Variants in RNLS observed in about 807,000 individuals in gnomAD.
RNLS encodes the protein renalase.
In RNLS, 39 loss-of-function variants were observed where a neutral mutation model predicts 39.8. The observed-to-expected ratio is 0.98, with a 90% confidence interval of 0.76 to 1.28. The LOEUF (loss-of-function observed/expected upper bound fraction) is 1.28. Among genes scored for constraint, RNLS ranks in the 50% most tolerant of loss-of-function variants. The pLI, the probability that RNLS is intolerant of heterozygous loss-of-function variation, is 0.00. For missense variants in RNLS, 410 were observed against 413.3 expected (o/e 0.99, Z 0.07); for synonymous variants, 147 against 150.7 (o/e 0.98, Z 0.18).
intron 4 of RNLS, among the ~76,000 whole-genome samples, chr10:88,419,824 G>T (rs937388411): frequency 6.6e-6 from 1 of 151,688 alleles, no homozygotes; most frequent in Non-Finnish European, 1.5e-5. Flanking sequence ...GGCCAGCATG[G>T]TGAAACCCTG....
chr10:88,453,627 G>A (rs1842469565), intron 4 of RNLS, among the ~76,000 whole-genome samples: 1 of 152,184 alleles, frequency 6.6e-6, no homozygotes, highest in African/African-American at 2.4e-5. Context: ...TGCTATTTCT[G>A]AGTATCTGCA....
At chr10:88,429,873 C>T (rs1157188507) in intron 4 of RNLS, among the ~76,000 whole-genome samples, 1 of 151,782 alleles carries the variant, frequency 6.6e-6, no homozygotes, top group Admixed American at 6.6e-5. Context: ...GATTTCTATT[C>T]GGTTCCGCTG....
Position 88,340,930 on chromosome 10 carries a change from G to T in RNLS, c.700+21622C>A, listed in dbSNP as rs191796822. Among the ~76,000 whole-genome samples the T allele has an allele frequency of 3.9e-3, 590 of 151,408 alleles. 2 individuals carry two copies. The highest frequency in any genetic ancestry group is 0.012 in the African/African-American group (506 of 41,264). On this transcript the variant is annotated intron_variant, in intron 5 of 6. Coordinates refer to ENST00000331772, the MANE Select transcript of RNLS (RefSeq NM_001031709.3). ...CAAAATTAGCTGGGCATGGTGGCACGTGCCTGTAATCCCAGCTACTCGGGA... is the reference window on the plus strand; with the variant it reads ...CAAAATTAGCTGGGCATGGTGGCACTTGCCTGTAATCCCAGCTACTCGGGA...
the RNLS span, among the ~76,000 whole-genome samples, chr10:88,216,781 C>T: frequency 6.6e-6 from 1 of 152,088 alleles, no homozygotes; most frequent in African/African-American, 2.4e-5. Flanking sequence ...TAAACAACAA[C>T]AACAACAAAA....
the RNLS span, among the ~76,000 whole-genome samples, chr10:88,176,027 C>G: frequency 2.0e-5 from 3 of 152,140 alleles, no homozygotes; most frequent in Non-Finnish European, 4.4e-5. Context: ...ATAGCAATTA[C>G]TGCTTGCTTT....
chr10:88,549,233 C>T (rs907953459), intron 4 of RNLS, among the ~76,000 whole-genome samples: 33 of 151,462 alleles, frequency 2.2e-4, no homozygotes, highest in African/African-American at 4.9e-4. Context: ...ATTTTTAATT[C>T]TTTCATAAAG....
intron 5 of RNLS, among the ~76,000 whole-genome samples, chr10:88,346,458 C>T (rs1323722669): frequency 1.3e-5 from 2 of 152,086 alleles, no homozygotes; most frequent in African/African-American, 4.8e-5. Context: ...ATTCTAATTG[C>T]GAAGAACTCA....
downstream of RNLS, among the ~76,000 whole-genome samples, chr10:88,282,726 C>CA (rs1338714013): frequency 2.6e-5 from 4 of 151,954 alleles, no homozygotes; most frequent in Non-Finnish European, 4.4e-5. Context: ...TGTTTTTAGA[C>CA]ATACTCTTCT....
chr10:88,391,375 T>C (rs998105149), intron 4 of RNLS, among the ~76,000 whole-genome samples: 8 of 152,092 alleles, frequency 5.3e-5, no homozygotes, highest in African/African-American at 1.4e-4. Flanking sequence ...CTGGCCAACA[T>C]GGTGAAACCC....
chr10:88,306,401 A>G (rs1844917947), intron 6 of RNLS, among the ~76,000 whole-genome samples: 1 of 152,054 alleles, frequency 6.6e-6, no homozygotes, highest in African/African-American at 2.4e-5. Flanking sequence ...TGTTTTCTGG[A>G]AAAAAATTAA....
intron 4 of RNLS, among the ~76,000 whole-genome samples, chr10:88,446,320 T>C (rs1726353445): frequency 6.6e-6 from 1 of 151,940 alleles, no homozygotes. Flanking sequence ...AATCAGTGTG[T>C]AGAGGGAAAT....
chr10:88,483,963 C>G (rs1478323914), intron 4 of RNLS, among the ~76,000 whole-genome samples: 1 of 151,854 alleles, frequency 6.6e-6, no homozygotes, highest in African/African-American at 2.4e-5. Flanking sequence ...ATTTATTGTA[C>G]CCAAGATAAC....
the RNLS span, among the ~76,000 whole-genome samples, chr10:88,187,206 T>A: frequency 3.1e-4 from 42 of 135,802 alleles, no homozygotes; most frequent in African/African-American, 1.2e-3. Context: ...AATATATATA[T>A]AATATATATA....
the RNLS span, among the ~76,000 whole-genome samples, chr10:88,207,385 C>A: frequency 6.6e-6 from 1 of 151,970 alleles, no homozygotes; most frequent in South Asian, 2.1e-4. Flanking sequence ...AGACACATCA[C>A]CAATCAAGAT....
At chr10:88,241,593 T>C in the RNLS span, among the ~76,000 whole-genome samples, 1 of 152,220 alleles carries the variant, frequency 6.6e-6, no homozygotes, top group African/African-American at 2.4e-5. Flanking sequence ...CAGCTTTTCA[T>C]TTTGTTGATC....
At chr10:88,189,925 C>T in the RNLS span, among the ~76,000 whole-genome samples, 2 of 152,182 alleles carry the variant, frequency 1.3e-5, no homozygotes, top group Admixed American at 1.3e-4. Context: ...ATTTAAAATA[C>T]TGACTGAGTG....
At chr10:88,400,665 C>T (rs777448656) in intron 4 of RNLS, among the ~76,000 whole-genome samples, 61 of 152,020 alleles carry the variant, frequency 4.0e-4, no homozygotes, top group Admixed American at 3.0e-3. Flanking sequence ...GTGTTAAGAA[C>T]GGGGCTTGAC....
At chr10:88,348,322 T>G (rs1363101294) in intron 5 of RNLS, among the ~76,000 whole-genome samples, 1 of 152,170 alleles carries the variant, frequency 6.6e-6, no homozygotes, top group African/African-American at 2.4e-5. Flanking sequence ...AAATGATGGA[T>G]AGAAACTATA....
intron 4 of RNLS, among the ~76,000 whole-genome samples, chr10:88,457,497 C>T (rs1457824663): frequency 6.6e-6 from 1 of 152,202 alleles, no homozygotes; most frequent in African/African-American, 2.4e-5. Flanking sequence ...ATACAGCCTG[C>T]TGTAGTCCTA....
Sources: gnomAD v4.1 joint callset for allele counts (sites outside exome capture counted in the v4.1 genomes callset) on GRCh38, gnomAD v4.1.1 for gene constraint, MANE v1.5 for transcripts, NCBI Gene and HGNC (gene_info 2026-07-23, HGNC 2026-07-21) for gene names.